Variants in KCNAB2 observed in about 807,000 individuals in gnomAD.
KCNAB2 encodes the protein voltage-gated potassium channel subunit beta-2.
KCNAB2 carries 29 observed loss-of-function variants against 63.6 expected under a neutral mutation model. The observed-to-expected ratio is 0.46, with a 90% CI of 0.34 to 0.62. The LOEUF is 0.62. KCNAB2 is among the 20% of genes least tolerant of loss of function. The pLI, the probability that KCNAB2 is intolerant of heterozygous loss-of-function variation, is 0.01. For synonymous variants in KCNAB2, 222 were observed against 224.2 expected (o/e 0.99, Z 0.09); for missense variants, 359 against 563.9 (o/e 0.64, Z 3.68).
chr1:6,017,668 G>A (rs889887806), intron 1 of KCNAB2, among the ~76,000 whole-genome samples: 1 of 152,106 alleles, frequency 6.6e-6, no homozygotes, highest in Admixed American at 6.5e-5. Context: ...GCAGGTGCCT[G>A]CAATCCCAGC....
chr1:6,017,914 A>C (rs1658607563), intron 1 of KCNAB2, among the ~76,000 whole-genome samples: 1 of 151,046 alleles, frequency 6.6e-6, no homozygotes, highest in East Asian at 1.9e-4. Flanking sequence ...AGGGTTCAGC[A>C]AAAAAAAATT....
At chr1:6,020,065 C>G (rs1319565461) in intron 1 of KCNAB2, among the ~76,000 whole-genome samples, 2 of 152,132 alleles carry the variant, frequency 1.3e-5, no homozygotes, top group African/African-American at 4.8e-5. Context: ...GGTCATGCAT[C>G]CCCCGGAGCC....
At position 5,994,699 on chromosome 1, in the gene KCNAB2, C is replaced by T. The variant is rs1410777241; in HGVS notation, c.-53+1911C>T. Among the ~76,000 whole-genome samples the T allele has an allele frequency of 6.6e-6, 1 of 152,142 alleles. No homozygotes were observed. The highest frequency in any genetic ancestry group is 1.5e-5 in the Non-Finnish European group (1 of 68,038). On this transcript the variant is annotated intron_variant, in intron 1 of 16. Transcript: ENST00000341524. This position sits in a 1 kb window ranked among gnomAD's most constrained non-coding sequence, Gnocchi z 5.4. ...CTGGATTTGGAGCCTGGATGGGAAG[C>T]AGTGTGCACAGAAGCCATTGCACCC...
rs532301614 is a variant in KCNAB2 at position 6,090,600 on chromosome 1, G to A, written c.601+125G>A. 18 of 692,452 alleles carry A rather than the reference G, an allele frequency of 2.6e-5. No homozygotes were observed. In the Admixed American group the frequency reaches 3.3e-4, roughly 13 times the overall value. The allele number at this position is 692,452 out of a possible 1,614,324, so 42.9% of individuals were successfully genotyped here. ...CCCGGGTGAGCCGTGAGAGGAGGCC[G>A]GGTCCAGGGTGGGGGGCGAGGGGGC... On this transcript the variant is annotated intron_variant, in intron 9 of 15. Coordinates refer to ENST00000378083, the MANE Select transcript of KCNAB2 (RefSeq NM_001199862.2).
At chr1:6,080,216 T>A (rs984933325) in intron 4 of KCNAB2, among the ~76,000 whole-genome samples, 18 of 152,082 alleles carry the variant, frequency 1.2e-4, no homozygotes, top group Non-Finnish European at 2.6e-4. Context: ...TGGGCCTGGA[T>A]GTGGGAGGCA....
In KCNAB2 at chr1:6,071,550, A is replaced by G. The variant is rs1040575067; in HGVS notation, c.219-1205A>G. The stretch of plus-strand genomic sequence containing the variant: ...GGTGGGGAACGTGAGCTGGCAGCCA[A>G]CTGCCTGGGTGGGATCCAGCTCCTC... On this transcript the variant is annotated intron_variant, in intron 2 of 15. Coordinates refer to ENST00000378083, the MANE Select transcript of KCNAB2 (RefSeq NM_001199862.2). This position sits in a 1 kb window ranked among gnomAD's most constrained non-coding sequence, Gnocchi z 8.5. 5.9e-5 allele frequency among the ~76,000 whole-genome samples: 9 copies of G among 152,160 alleles called. No individual in the cohort carries two copies. Among genetic ancestry groups the G allele is most frequent in the African/African-American group, 2.2e-4 (9 of 41,442 alleles).
At chr1:6,008,208 C>T (rs1257445089) in intron 1 of KCNAB2, among the ~76,000 whole-genome samples, 3 of 152,196 alleles carry the variant, frequency 2.0e-5, no homozygotes, top group African/African-American at 7.2e-5. Context: ...GGTTCCGCTG[C>T]GCTGGGTCCC....
intron 1 of KCNAB2, among the ~76,000 whole-genome samples, chr1:6,049,423 G>C (rs965871278): frequency 8.5e-5 from 13 of 152,248 alleles, no homozygotes; most frequent in African/African-American, 2.9e-4. Flanking sequence ...GATGGCGAGC[G>C]CCATGGAGAC....
chr1:6,011,835 C>T (rs1658165767), intron 1 of KCNAB2, among the ~76,000 whole-genome samples: 2 of 152,164 alleles, frequency 1.3e-5, no homozygotes, highest in Non-Finnish European at 2.9e-5. Context: ...CCTGTGGGGC[C>T]CTTGCCTGTG....
intron 1 of KCNAB2, among the ~76,000 whole-genome samples, chr1:5,999,010 C>T (rs1237044628): frequency 3.9e-5 from 6 of 152,348 alleles, no homozygotes; most frequent in Non-Finnish European, 7.4e-5. Context: ...CGGGCGTAGA[C>T]GAAGCCGCTT....
chr1:6,054,042 TAA>T (rs566086045), intron 2 of KCNAB2, among the ~76,000 whole-genome samples: 64 of 137,452 alleles, frequency 4.7e-4, no homozygotes, highest in Non-Finnish European at 4.1e-4. Flanking sequence ...GACCCTGTCT[TAA>T]AAAAAAAAAA....
chr1:6,001,439 G>A (rs1382187224), intron 1 of KCNAB2, among the ~76,000 whole-genome samples: 1 of 152,308 alleles, frequency 6.6e-6, no homozygotes, highest in East Asian at 1.9e-4. Context: ...GCCACTGGGA[G>A]GGATGCCTAG....
In KCNAB2 at chr1:6,020,105, C is replaced by T. The variant is rs772286501; in HGVS notation, c.-52-20412C>T. 2.6e-5 allele frequency among the ~76,000 whole-genome samples: 4 copies of T among 152,244 alleles called. 1 individual carries two copies. Among genetic ancestry groups the T allele is most frequent in the South Asian group, 4.1e-4 (2 of 4,828 alleles). On this transcript the variant is annotated intron_variant, in intron 1 of 16. Transcript: ENST00000341524. Reference sequence around the variant, plus strand: ...ACCTGGGGTCCCGTCTCTGCATGCTCGGAGGCTTCACGACATGTAAACCTA... The same window carrying T: ...ACCTGGGGTCCCGTCTCTGCATGCTTGGAGGCTTCACGACATGTAAACCTA...
At chr1:6,093,142 C>A (rs551160946) in intron 10 of KCNAB2, among the ~76,000 whole-genome samples, 1 of 152,364 alleles carries the variant, frequency 6.6e-6, no homozygotes, top group Non-Finnish European at 1.5e-5. Flanking sequence ...AGCCCCACTC[C>A]CAGCATTTTC....
Position 6,078,681 on chromosome 1 carries a change from A to G in KCNAB2, c.301-3514A>G, listed in dbSNP as rs1663912459. Among the ~76,000 whole-genome samples, 1 of 152,124 alleles carries G rather than the reference A, an allele frequency of 6.6e-6. No individual in the cohort carries two copies. On this transcript the variant is annotated intron_variant, in intron 4 of 15. Transcript: ENST00000378083. This position sits in a 1 kb window ranked among gnomAD's most constrained non-coding sequence, Gnocchi z 4.2. ...AAGCCCCTGGAGGGCTTTTGCATGGAGGAAATTTGACCTGATTTAAAAGGT... is the reference window on the plus strand; with the variant it reads ...AAGCCCCTGGAGGGCTTTTGCATGGGGGAAATTTGACCTGATTTAAAAGGT...
intron 1 of KCNAB2, among the ~76,000 whole-genome samples, chr1:6,014,855 G>T (rs1014806287): frequency 2.0e-5 from 3 of 152,142 alleles, no homozygotes; most frequent in African/African-American, 7.2e-5. Context: ...TGACCTGAAG[G>T]AGTTCCCCCT....
intron 4 of KCNAB2, among the ~76,000 whole-genome samples, chr1:6,077,397 C>T (rs897010470): frequency 6.6e-5 from 10 of 152,222 alleles, no homozygotes; most frequent in Non-Finnish European, 1.0e-4. Flanking sequence ...CCCACAGTGC[C>T]GTGAGTCGCT....
chr1:6,022,786 G>A (rs768246135), intron 1 of KCNAB2, among the ~76,000 whole-genome samples: 2 of 151,762 alleles, frequency 1.3e-5, no homozygotes, highest in African/African-American at 4.8e-5. Context: ...GAATGTTCTC[G>A]AGACTCATCC....
At chr1:6,020,447 A>G (rs1658754001) in intron 1 of KCNAB2, among the ~76,000 whole-genome samples, 2 of 152,102 alleles carry the variant, frequency 1.3e-5, no homozygotes, top group African/African-American at 4.8e-5. Context: ...TGCTGAAAAC[A>G]GAAGCAGAAC....
Sources: gnomAD v4.1 joint callset for allele counts (sites outside exome capture counted in the v4.1 genomes callset) on GRCh38, gnomAD v4.1.1 for gene constraint, Gnocchi (gnomAD v3.1) non-coding constraint, MANE v1.5 for transcripts, NCBI Gene and HGNC (gene_info 2026-07-23, HGNC 2026-07-21) for gene names.